Variants in CPEB1 observed in about 807,000 individuals in gnomAD.
The protein encoded by CPEB1 is cytoplasmic polyadenylation element binding protein 1.
A neutral mutation model predicts 65.8 loss-of-function variants in CPEB1; 7 were observed. The ratio of observed to expected loss-of-function variants is 0.11; its 90% CI spans 0.06 to 0.20. CPEB1 has a LOEUF of 0.20. Among genes scored for constraint, CPEB1 ranks in the 10% least tolerant of loss-of-function variants. CPEB1 has a pLI of 1.00. For synonymous variants in CPEB1, 262 were observed against 260.0 expected, an observed-to-expected ratio of 1.01 and a Z score of -0.08; for missense variants, 551 against 712.2, an observed-to-expected ratio of 0.77 and a Z score of 2.58.
intron 3 of CPEB1, among the ~76,000 whole-genome samples, chr15:82,582,605 C>G (rs2041386710): frequency 6.6e-6 from 1 of 152,078 alleles, no homozygotes. Flanking sequence ...GGGACACTTT[C>G]TAGACCCAGG....
At chr15:82,634,784 T>C (rs924644996) in intron 1 of CPEB1, among the ~76,000 whole-genome samples, 3 of 152,072 alleles carry the variant, frequency 2.0e-5, no homozygotes, top group African/African-American at 7.2e-5. Flanking sequence ...TAAGCCAGAG[T>C]AGCAGAAAGT....
chr15:82,566,378 T>A (rs2039123953), intron 4 of CPEB1, among the ~76,000 whole-genome samples: 1 of 152,202 alleles, frequency 6.6e-6, no homozygotes, highest in African/African-American at 2.4e-5. Flanking sequence ...GAACCCTTCT[T>A]CCCTATCACC....
chr15:82,619,516 G>A (rs766302106), intron 3 of CPEB1, among the ~76,000 whole-genome samples: 38 of 152,026 alleles, frequency 2.5e-4, no homozygotes, highest in Non-Finnish European at 5.0e-4. Context: ...CAGACTCAAA[G>A]AAAATAATTT....
Position 82,579,918 on chromosome 15 carries a change from CAAAAAAAAAAAAAAAAAAAAAAAAA to C in CPEB1, c.272-8411_272-8387del, listed in dbSNP as rs59925251. On this transcript the variant is annotated intron_variant, in intron 3 of 12. Transcript: ENST00000684509. Reference sequence around the variant, plus strand: ...TGGGCGACAGAGTGAGACTCCGTCTCAAAAAAAAAAAAAAAAAAAAAAAAAAAAAAAAAAAAAAAGACTCTCAAGC... The same window carrying C: ...TGGGCGACAGAGTGAGACTCCGTCTCAAAAAAAAAAAAAAGACTCTCAAGC... Among the ~76,000 whole-genome samples, 179 of 32,684 alleles carry C rather than the reference CAAAAAAAAAAAAAAAAAAAAAAAAA, an allele frequency of 5.5e-3. 10 individuals carry two copies. In the Admixed American group the frequency reaches 0.062, roughly 11 times the overall value. 21.4% of individuals were successfully genotyped at this position (32,684 alleles called of 152,430 possible).
At chr15:82,600,087 C>T (rs948500453) in intron 3 of CPEB1, among the ~76,000 whole-genome samples, 1 of 151,882 alleles carries the variant, frequency 6.6e-6, no homozygotes, top group African/African-American at 2.4e-5. Context: ...TACAAGAAAC[C>T]CAAGAACTCC....
chr15:82,613,083 G>A (rs1201618513), intron 3 of CPEB1, among the ~76,000 whole-genome samples: 3 of 151,180 alleles, frequency 2.0e-5, no homozygotes, highest in African/African-American at 4.9e-5. Flanking sequence ...AGAAGCTAAC[G>A]ACTCTGACAC....
intron 1 of CPEB1, 82 bp downstream of exon 1, chr15:82,647,055 G>A (rs587770416): frequency 6.5e-6 from 1 of 152,930 alleles, no homozygotes; most frequent in East Asian, 1.9e-4. Flanking sequence ...GCACAGCCCA[G>A]AGTGGGCTCG....
chr15:82,571,722 C>T (rs1264024263), intron 3 of CPEB1, 190 bp from the exon 4 acceptor site: 2 of 1,425,188 alleles, frequency 1.4e-6, no homozygotes, highest in South Asian at 3.1e-5. Flanking sequence ...CATACAGGCC[C>T]CCTCCCCTCA....
At chr15:82,574,743 A>AC (rs1431656123) in intron 3 of CPEB1, among the ~76,000 whole-genome samples, 1 of 150,148 alleles carries the variant, frequency 6.7e-6, no homozygotes, top group Non-Finnish European at 1.5e-5. Context: ...AAAAAAAAAA[A>AC]AAAAAAAATC....
chr15:82,646,948 G>GC (rs2047610949), intron 1 of CPEB1, 189 bp downstream of exon 1: 2 of 152,422 alleles, frequency 1.3e-5, no homozygotes, highest in Admixed American at 1.3e-4. Flanking sequence ...ACCTGAGGCC[G>GC]CCCCTGAGTC....
At chr15:82,608,333 G>A (rs1056053483) in intron 3 of CPEB1, among the ~76,000 whole-genome samples, 13 of 152,202 alleles carry the variant, frequency 8.5e-5, no homozygotes, top group Admixed American at 5.9e-4. Context: ...TGGTGAGCTC[G>A]GAGGTAGGTC....
chr15:82,569,773 T>C lies in CPEB1; in HGVS notation c.460+1571A>G, dbSNP rs980716122. 7.2e-5 allele frequency among the ~76,000 whole-genome samples: 11 copies of C among 152,338 alleles called. No homozygotes were observed. In the South Asian group the frequency reaches 8.3e-4, roughly 11 times the overall value. On this transcript the variant is annotated intron_variant, in intron 4 of 12. Coordinates refer to ENST00000684509, the MANE Select transcript of CPEB1 (RefSeq NM_001365242.1). ...AAAGAAGGGCTATACTTCAACCTGA[T>C]GCCAATGAAAGACAGTGCCTTGGTC...
At chr15:82,624,325 C>T (rs1289337243) in intron 3 of CPEB1, among the ~76,000 whole-genome samples, 1 of 152,148 alleles carries the variant, frequency 6.6e-6, no homozygotes, top group Non-Finnish European at 1.5e-5. Context: ...CCTAGAATTC[C>T]TTGAGTTCCC....
At chr15:82,592,986 T>C (rs1245469422) in intron 3 of CPEB1, among the ~76,000 whole-genome samples, 1 of 152,126 alleles carries the variant, frequency 6.6e-6, no homozygotes, top group Non-Finnish European at 1.5e-5. Flanking sequence ...AACAGAGCGA[T>C]ACTCCGTCTC....
chr15:82,603,416 G>A (rs1163400450), intron 3 of CPEB1, among the ~76,000 whole-genome samples: 1 of 151,370 alleles, frequency 6.6e-6, no homozygotes, highest in Non-Finnish European at 1.5e-5. Flanking sequence ...TGAGGCATTA[G>A]GCAACAGTTT....
At chr15:82,616,263 C>T (rs1370206401) in intron 3 of CPEB1, among the ~76,000 whole-genome samples, 13 of 152,034 alleles carry the variant, frequency 8.6e-5, no homozygotes, top group Admixed American at 8.5e-4. Context: ...ATACTTTAAA[C>T]TGTGCATTTT....
chr15:82,579,677 C>T (rs1419644156), intron 3 of CPEB1, among the ~76,000 whole-genome samples: 1 of 151,426 alleles, frequency 6.6e-6, no homozygotes, highest in Non-Finnish European at 1.5e-5. Context: ...CTTTGGGAGG[C>T]CGAGACGGGT....
At chr15:82,645,063 G>A (rs775721423) in intron 1 of CPEB1, among the ~76,000 whole-genome samples, 1 of 152,222 alleles carries the variant, frequency 6.6e-6, no homozygotes, top group Non-Finnish European at 1.5e-5. Flanking sequence ...CCTCTGATGT[G>A]CTGCACAGGC....
At chr15:82,623,120 T>A (rs986708090) in intron 3 of CPEB1, among the ~76,000 whole-genome samples, 1 of 152,160 alleles carries the variant, frequency 6.6e-6, no homozygotes, top group African/African-American at 2.4e-5. Context: ...AAAAAAATAA[T>A]CTACTCAACA....
Sources: gnomAD v4.1 joint callset for allele counts (sites outside exome capture counted in the v4.1 genomes callset) on GRCh38, gnomAD v4.1.1 for gene constraint, MANE v1.5 for transcripts, NCBI Gene and HGNC (gene_info 2026-07-23, HGNC 2026-07-21) for gene names.